ALDH1A2: variants seen among roughly 807,000 people sequenced by gnomAD.
The protein encoded by ALDH1A2 is retinal dehydrogenase 2.
In ALDH1A2, 27 loss-of-function variants were observed where a neutral mutation model predicts 60.3. The observed-to-expected ratio is 0.45, with a 90% CI of 0.33 to 0.62. The LOEUF is 0.62. ALDH1A2 is among the 20% of genes least tolerant of loss of function. The probability of loss-of-function intolerance (pLI) is 0.02; values close to 1 mark genes in which losing one functional copy is unlikely to be tolerated. For missense variants in ALDH1A2, 581 were observed against 643.8 expected (o/e 0.90, Z 1.06); for synonymous variants, 289 against 232.4 (o/e 1.24, Z -2.21).
At chr15:57,962,760 A>G (rs1338761134) in intron 9 of ALDH1A2, among the ~76,000 whole-genome samples, 1 of 152,190 alleles carries the variant, frequency 6.6e-6, no homozygotes, top group Non-Finnish European at 1.5e-5. Context: ...TCATTTGCTT[A>G]TTATGGTAAA....
At chr15:58,061,622 A>G (rs561804111) in intron 1 of ALDH1A2, among the ~76,000 whole-genome samples, 65 of 150,440 alleles carry the variant, frequency 4.3e-4, no homozygotes, top group African/African-American at 1.5e-3. Flanking sequence ...AAAAAAAAAA[A>G]AAAACGGAAC....
At chr15:58,026,815 G>C (rs1482918742) in intron 1 of ALDH1A2, among the ~76,000 whole-genome samples, 1 of 152,218 alleles carries the variant, frequency 6.6e-6, no homozygotes, top group Non-Finnish European at 1.5e-5. Flanking sequence ...CTGGTCGGAG[G>C]AGGGGTGTCT....
At chr15:58,047,416 A>G (rs1040573317) in intron 1 of ALDH1A2, among the ~76,000 whole-genome samples, 1 of 151,988 alleles carries the variant, frequency 6.6e-6, no homozygotes, top group Non-Finnish European at 1.5e-5. Context: ...GTTAAACAAT[A>G]TAAGGAAGTA....
At chr15:57,987,681 C>T (rs940301949) in intron 7 of ALDH1A2, among the ~76,000 whole-genome samples, 1 of 151,986 alleles carries the variant, frequency 6.6e-6, no homozygotes, top group Non-Finnish European at 1.5e-5. Flanking sequence ...GAGATCCAGA[C>T]CATCCTGGCT....
intron 7 of ALDH1A2, among the ~76,000 whole-genome samples, chr15:57,973,101 G>C (rs1401952051): frequency 6.6e-6 from 1 of 152,210 alleles, no homozygotes; most frequent in Admixed American, 6.5e-5. Context: ...AGTTTGCTTT[G>C]ATGGTCTCTC....
At chr15:58,063,934 G>A (rs2140594290) in intron 1 of ALDH1A2, among the ~76,000 whole-genome samples, 1 of 152,018 alleles carries the variant, frequency 6.6e-6, no homozygotes, top group East Asian at 1.9e-4. Flanking sequence ...AGAAAAGAGA[G>A]AGGGGGTAGT....
intron 1 of ALDH1A2, among the ~76,000 whole-genome samples, chr15:58,023,327 T>C (rs1254664691): frequency 2.0e-5 from 3 of 152,156 alleles, no homozygotes; most frequent in African/African-American, 7.2e-5. Flanking sequence ...TTTGTGACAC[T>C]TGGGACAATT....
intron 1 of ALDH1A2, among the ~76,000 whole-genome samples, chr15:58,029,722 C>A (rs1896180183): frequency 6.6e-6 from 1 of 152,082 alleles, no homozygotes; most frequent in African/African-American, 2.4e-5. Context: ...ACCGATTCCA[C>A]AGAAATACAA....
intron 4 of ALDH1A2, among the ~76,000 whole-genome samples, chr15:57,999,547 G>A (rs933105852): frequency 1.3e-5 from 2 of 151,910 alleles, no homozygotes; most frequent in Non-Finnish European, 2.9e-5. Context: ...AACAGATGCT[G>A]GCAAAGGTGT....
intron 12 of ALDH1A2, among the ~76,000 whole-genome samples, chr15:57,957,958 G>A (rs993976785): frequency 2.0e-5 from 3 of 152,098 alleles, no homozygotes; most frequent in African/African-American, 7.2e-5. Flanking sequence ...TGCTTTCAAG[G>A]GTGACTGGTG....
intron 12 of ALDH1A2, among the ~76,000 whole-genome samples, chr15:57,956,855 T>A (rs561098499): frequency 6.6e-6 from 1 of 152,154 alleles, no homozygotes; most frequent in Non-Finnish European, 1.5e-5. Flanking sequence ...TTCACCCCCA[T>A]GTGACTCTCT....
At chr15:57,958,344 A>G in intron 12 of ALDH1A2, among the ~76,000 whole-genome samples, 1 of 151,234 alleles carries the variant, frequency 6.6e-6, no homozygotes, top group Admixed American at 6.5e-5. Flanking sequence ...TCAGTTTGTG[A>G]CATTTTATGG....
chr15:57,979,848 C>G, intron 7 of ALDH1A2: 2 of 309,188 alleles, frequency 6.5e-6, no homozygotes, highest in Non-Finnish European at 6.8e-6. Context: ...CACATATATG[C>G]TGGCCCAGGC....
chr15:58,013,992 T>C lies in ALDH1A2; in HGVS notation c.229A>G (p.Ile77Val), dbSNP rs1329820628. 2 of 1,614,064 alleles carry C rather than the reference T, an allele frequency of 1.2e-6. No individual in the cohort carries two copies. Among genetic ancestry groups the C allele is most frequent in the Admixed American group, 1.7e-5 (1 of 60,016 alleles). Reference sequence around the variant, plus strand: ...CGGGCTGCCTGCACTGCTTTGTCTATATCTGCCTGTTAGAGAGGAAGAGGC... The same window carrying C: ...CGGGCTGCCTGCACTGCTTTGTCTACATCTGCCTGTTAGAGAGGAAGAGGC... ...CEVQEADKAD[I>V]DKAVQAARLA... Residue 77 changes from isoleucine to valine, a missense_variant, in exon 3 of 13, where the codon ATA (isoleucine) becomes GTA (valine). Physicochemically the swap from Ile to Val is conservative, Grantham distance 29 (BLOSUM62 3). Coordinates refer to ENST00000249750, the MANE Select transcript of ALDH1A2 (RefSeq NM_003888.4).
chr15:58,009,017 G>C (rs942789400), intron 4 of ALDH1A2, among the ~76,000 whole-genome samples: 2 of 151,956 alleles, frequency 1.3e-5, no homozygotes, highest in Non-Finnish European at 2.9e-5. Flanking sequence ...GTTGAACAAG[G>C]GAAAAACCTC....
intron 4 of ALDH1A2, among the ~76,000 whole-genome samples, chr15:58,000,456 T>C (rs1895226310): frequency 6.6e-6 from 1 of 151,978 alleles, no homozygotes; most frequent in Non-Finnish European, 1.5e-5. Flanking sequence ...ATTTTTGCCA[T>C]TTCCAAGTAT....
chr15:57,963,260 G>C (rs1893786352), intron 9 of ALDH1A2, among the ~76,000 whole-genome samples: 1 of 152,072 alleles, frequency 6.6e-6, no homozygotes, highest in African/African-American at 2.4e-5. Flanking sequence ...ACTGGGACTG[G>C]GTTCTAGTGT....
intron 1 of ALDH1A2, among the ~76,000 whole-genome samples, chr15:58,028,895 T>C (rs1194919224): frequency 6.6e-6 from 1 of 152,134 alleles, no homozygotes; most frequent in Non-Finnish European, 1.5e-5. Flanking sequence ...CCCAGACTCA[T>C]GAAGCAAGTC....
chr15:58,010,190 C>G (rs1156628220), intron 4 of ALDH1A2, among the ~76,000 whole-genome samples: 1 of 152,102 alleles, frequency 6.6e-6, no homozygotes, highest in African/African-American at 2.4e-5. Flanking sequence ...TAAAAAGACA[C>G]TGAAAATCAG....
Sources: allele counts gnomAD v4.1 joint callset (sites outside exome capture counted in the v4.1 genomes callset), GRCh38; gene constraint gnomAD v4.1.1; transcripts MANE v1.5; gene names NCBI Gene and HGNC (gene_info 2026-07-23, HGNC 2026-07-21).